CMTM3: variants seen among roughly 807,000 people sequenced by gnomAD.
The protein encoded by CMTM3 is CKLF like MARVEL transmembrane domain containing 3.
CMTM3 carries 7 observed loss-of-function variants against 18.2 expected under a neutral mutation model. The ratio of observed to expected loss-of-function variants is 0.38; its 90% CI spans 0.22 to 0.72. CMTM3 has a LOEUF of 0.72. Ranked by LOEUF, CMTM3 falls within the 30% of genes least tolerant of loss-of-function variation. The probability of loss-of-function intolerance (pLI) is 0.46; values close to 1 mark genes in which losing one functional copy is unlikely to be tolerated. For missense variants in CMTM3, 227 were observed against 249.2 expected, an observed-to-expected ratio of 0.91 and a Z score of 0.60; for synonymous variants, 109 against 111.2, an observed-to-expected ratio of 0.98 and a Z score of 0.12.
In CMTM3 at chr16:66,612,904, T is replaced by A. The variant is rs2015436420; in HGVS notation, c.*267T>A. ...TTTCTGTCCCACAGGCCTTCAGCCC[T>A]TTAACGTCTCTGCCAAAAACCAGCA... is the stretch of plus-strand genomic sequence containing the variant. On this transcript the variant is annotated 3_prime_UTR_variant, in exon 5 of 5. Transcript: ENST00000567572. The surrounding 1 kb of genome is among the most constrained non-coding windows in gnomAD (Gnocchi z 6.0). The A allele has an allele frequency of 3.2e-6, 2 of 621,434 alleles. No individual in the cohort carries two copies. The highest frequency in any genetic ancestry group is 5.3e-5 in the Admixed American group (2 of 37,864). The allele number at this position is 621,434 out of a possible 1,614,324, so 38.5% of individuals were successfully genotyped here. A position where few individuals can be genotyped will look rare whatever the true frequency, so the allele number is the denominator to read the frequency against.
chr16:66,610,131 G>A lies in CMTM3; in HGVS notation c.520+128G>A. 8.1e-7 allele frequency: 1 copy of A among 1,228,504 alleles called. No homozygotes were observed. The highest frequency in any genetic ancestry group is 1.1e-6 in the Non-Finnish European group (1 of 870,626). The allele number at this position is 1,228,504 out of a possible 1,614,324, so 76.1% of individuals were successfully genotyped here. A position where few individuals can be genotyped will look rare whatever the true frequency, so the allele number is the denominator to read the frequency against. ...CCCCATGGCAGGAAGTGTTTTCACA[G>A]CCCATTCTCACCTACCCTCATGCAG... On this transcript the variant is annotated intron_variant, in intron 4 of 4. Transcript: ENST00000567572. The surrounding 1 kb of genome is among the most constrained non-coding windows in gnomAD (Gnocchi z 4.6).
At position 66,609,384 on chromosome 16, in the gene CMTM3, A is replaced by G. The variant is rs554990064; in HGVS notation, c.304-51A>G. 3.1e-5 allele frequency: 48 copies of G among 1,530,924 alleles called. 1 individual carries two copies. In the South Asian group the frequency reaches 4.5e-4, roughly 14 times the overall value. The allele number at this position is 1,530,924 out of a possible 1,614,324, so 94.8% of individuals were successfully genotyped here. On this transcript the variant is annotated intron_variant, in intron 2 of 4. Coordinates refer to ENST00000567572, the MANE Select transcript of CMTM3 (RefSeq NM_181553.4). The surrounding 1 kb of genome is among the most constrained non-coding windows in gnomAD (Gnocchi z 4.4). ...GACCAGGCTGCCAGGCCTCCTCCCC[A>G]TGCTGTGCTCAGCTCCAGGGGCTCA...
chr16:66,606,756 G>A (rs1160831053), intron 1 of CMTM3, among the ~76,000 whole-genome samples: 1 of 152,208 alleles, frequency 6.6e-6, no homozygotes, highest in Admixed American at 6.5e-5. Context: ...ACTTTAGGAG[G>A]CCGAGGTGGG....
In CMTM3 at chr16:66,611,109, A is replaced by G. The variant is rs11861926; in HGVS notation, c.520+1106A>G. The stretch of plus-strand genomic sequence containing the variant: ...TGTTTTACTATTTGGAGAGTTTCAC[A>G]TATGTAACAATTATTTTGCTGTAAA... On this transcript the variant is annotated intron_variant, in intron 4 of 4. Transcript: ENST00000567572. 1,274 of 383,212 alleles carry G rather than the reference A, an allele frequency of 3.3e-3. 17 individuals carry two copies. The highest frequency in any genetic ancestry group is 0.024 in the African/African-American group (1,149 of 48,442). 23.7% of individuals were successfully genotyped at this position (383,212 alleles called of 1,614,324 possible). A position where few individuals can be genotyped will look rare whatever the true frequency, so the allele number is the denominator to read the frequency against.
chr16:66,606,657 G>A (rs2015166094), intron 1 of CMTM3, among the ~76,000 whole-genome samples: 1 of 152,138 alleles, frequency 6.6e-6, no homozygotes, highest in African/African-American at 2.4e-5. Flanking sequence ...AGAAACCAGG[G>A]ACAGATGGCC....
Position 66,612,754 on chromosome 16 carries a change from A to T in CMTM3, c.*117A>T. ...TTCTGAGTTGCAGAGGGGGCTGCGG[A>T]CACAGCAGGCCCCCTACAGCCTCAG... On this transcript the variant is annotated 3_prime_UTR_variant, in exon 5 of 5. Transcript: ENST00000567572. The surrounding 1 kb of genome is among the most constrained non-coding windows in gnomAD (Gnocchi z 6.0). 4 of 988,294 alleles carry T rather than the reference A, an allele frequency of 4.0e-6. No individual in the cohort carries two copies. Among genetic ancestry groups the T allele is most frequent in the Non-Finnish European group, 6.2e-6 (4 of 647,612 alleles). The allele number at this position is 988,294 out of a possible 1,614,324, so 61.2% of individuals were successfully genotyped here. A position where few individuals can be genotyped will look rare whatever the true frequency, so the allele number is the denominator to read the frequency against.
At position 66,609,495 on chromosome 16, in the gene CMTM3, G is replaced by C; in HGVS notation, c.364G>C (p.Ala122Pro). 1.2e-6 allele frequency: 2 copies of C among 1,610,072 alleles called. No individual in the cohort carries two copies. Among genetic ancestry groups the C allele is most frequent in the Non-Finnish European group, 1.7e-6 (2 of 1,178,290 alleles). ...CTTTGCTATCTCCATCACGGCCATC[G>C]CCAAGTACTCGGATGGGGCTTCCAA... ...IYFAISITAI[A>P]KYSDGASKAA... Residue 122 changes from alanine to proline, a missense_variant, in exon 3 of 5, where the codon GCC (alanine) becomes CCC (proline). Transcript: ENST00000567572. This position sits in a 1 kb window ranked among gnomAD's most constrained non-coding sequence, Gnocchi z 4.4.
upstream of CMTM3, chr16:66,604,430 A>C: frequency 5.9e-6 from 1 of 170,772 alleles, no homozygotes; most frequent in East Asian, 1.6e-4. Context: ...ACGGGCAGGA[A>C]GTTAGACCGG....
chr16:66,609,422 CCT>C lies in CMTM3; in HGVS notation c.304-7_304-6del. The stretch of plus-strand genomic sequence containing the variant: ...CTCCAGGGGCTCAGGGCAGCATGCC[CCT>C]CTCTCCCCAGGACTTCCTGCGCTGT... On this transcript the variant is annotated splice_polypyrimidine_tract_variant and intron_variant, in intron 2 of 4. Coordinates refer to ENST00000567572, the MANE Select transcript of CMTM3 (RefSeq NM_181553.4). This position sits in a 1 kb window ranked among gnomAD's most constrained non-coding sequence, Gnocchi z 4.4. 1 of 1,609,872 alleles carries C rather than the reference CCT, an allele frequency of 6.2e-7. No individual in the cohort carries two copies. Among genetic ancestry groups the C allele is most frequent in the Non-Finnish European group, 8.5e-7 (1 of 1,178,010 alleles).
Position 66,604,994 on chromosome 16 carries a change from C to T in CMTM3, c.147+42C>T, listed in dbSNP as rs1008606413. The T allele has an allele frequency of 5.7e-6, 8 of 1,414,498 alleles. No individual in the cohort carries two copies. In the African/African-American group the frequency reaches 1.2e-4, roughly 21 times the overall value. The allele number at this position is 1,414,498 out of a possible 1,614,324, so 87.6% of individuals were successfully genotyped here. Reference sequence around the variant, plus strand: ...CCTCGGCCGCCCCGCTAGGACTGCGCGGCTCCTTTCGGAGGAGGACGTCGG... The same window carrying T: ...CCTCGGCCGCCCCGCTAGGACTGCGTGGCTCCTTTCGGAGGAGGACGTCGG... On this transcript the variant is annotated intron_variant, in intron 1 of 4. Coordinates refer to ENST00000567572, the MANE Select transcript of CMTM3 (RefSeq NM_181553.4).
rs1007588060 is a variant in CMTM3 at position 66,604,714 on chromosome 16, G to C, written c.-92G>C. ...GCCCCTGCGCGAGCCAGTGTCGCCT[G>C]CCCTCCTTCCGCACAGCCCGGGTTT... On this transcript the variant is annotated 5_prime_UTR_variant, in exon 1 of 5. Coordinates refer to ENST00000567572, the MANE Select transcript of CMTM3 (RefSeq NM_181553.4). The C allele has an allele frequency of 2.9e-6, 3 of 1,018,672 alleles. No homozygotes were observed. Among genetic ancestry groups the C allele is most frequent in the Non-Finnish European group, 3.7e-6 (3 of 801,658 alleles). The allele number at this position is 1,018,672 out of a possible 1,614,324, so 63.1% of individuals were successfully genotyped here.
In CMTM3 at chr16:66,609,229, C is replaced by G. The variant is rs1409236348; in HGVS notation, c.304-206C>G. On this transcript the variant is annotated intron_variant, in intron 2 of 4. Transcript: ENST00000567572. This position sits in a 1 kb window ranked among gnomAD's most constrained non-coding sequence, Gnocchi z 4.4. ...CTTAGGACAGCAGCCCCGCTGGACC[C>G]GGGATAGGGCAGTGTCAGCTGCTGG... is the stretch of plus-strand genomic sequence containing the variant. The G allele has an allele frequency of 3.4e-6, 2 of 586,910 alleles. No homozygotes were observed. Among genetic ancestry groups the G allele is most frequent in the South Asian group, 4.2e-5 (2 of 47,668 alleles). The allele number at this position is 586,910 out of a possible 1,614,324, so 36.4% of individuals were successfully genotyped here.
In CMTM3 at chr16:66,612,505, C is replaced by T. The variant is rs1003757560; in HGVS notation, c.521-104C>T. Reference sequence around the variant, plus strand: ...GGTAGAGTCAGCTGCAGGAGGCCTGCACCCAGGCTCCTGCCAGCAACCCAG... The same window carrying T: ...GGTAGAGTCAGCTGCAGGAGGCCTGTACCCAGGCTCCTGCCAGCAACCCAG... On this transcript the variant is annotated intron_variant, in intron 4 of 4. Coordinates refer to ENST00000567572, the MANE Select transcript of CMTM3 (RefSeq NM_181553.4). The surrounding 1 kb of genome is among the most constrained non-coding windows in gnomAD (Gnocchi z 6.0). 32 of 1,191,256 alleles carry T rather than the reference C, an allele frequency of 2.7e-5. No homozygotes were observed. The highest frequency in any genetic ancestry group is 6.0e-5 in the African/African-American group (4 of 66,752). The allele number at this position is 1,191,256 out of a possible 1,614,324, so 73.8% of individuals were successfully genotyped here.
At chr16:66,606,719 G>A (rs984978806) in intron 1 of CMTM3, among the ~76,000 whole-genome samples, 3 of 152,206 alleles carry the variant, frequency 2.0e-5, no homozygotes, top group Admixed American at 6.5e-5. Flanking sequence ...TGGGCCGGGC[G>A]TGGTGGCTCA....
chr16:66,609,439 TC>T lies in CMTM3; in HGVS notation c.310del (p.Leu104CysfsTer46). Reference sequence around the variant, plus strand: ...AGCATGCCCCTCTCTCCCCAGGACTTCCTGCGCTGTGTCACCGCGGCCCTCA... The same window carrying T: ...AGCATGCCCCTCTCTCCCCAGGACTTCTGCGCTGTGTCACCGCGGCCCTCA... ...WQGLCWPMMDFLRCVTAALIY... is the reference protein window; with the variant it reads ...WQGLCWPMMDXLRCVTAALIY... On this transcript the variant is annotated frameshift_variant, in exon 3 of 5. Transcript: ENST00000567572. LOFTEE classifies it high-confidence loss of function. This position sits in a 1 kb window ranked among gnomAD's most constrained non-coding sequence, Gnocchi z 4.4. 2 of 1,612,656 alleles carry T rather than the reference TC, an allele frequency of 1.2e-6. No individual in the cohort carries two copies. Among genetic ancestry groups the T allele is most frequent in the Middle Eastern group, 1.7e-4 (1 of 6,060 alleles).
At chr16:66,611,774 AG>A (rs2015385778) in intron 4 of CMTM3, among the ~76,000 whole-genome samples, 1 of 152,158 alleles carries the variant, frequency 6.6e-6, no homozygotes, top group African/African-American at 2.4e-5. Context: ...GGAACCCTCG[AG>A]GTACACCTCA....
In CMTM3 at chr16:66,604,753, G is replaced by C; in HGVS notation, c.-53G>C. The C allele has an allele frequency of 8.3e-7, 1 of 1,208,512 alleles. No individual in the cohort carries two copies. Among genetic ancestry groups the C allele is most frequent in the Non-Finnish European group, 1.0e-6 (1 of 971,298 alleles). The allele number at this position is 1,208,512 out of a possible 1,614,324, so 74.9% of individuals were successfully genotyped here. ...CAGCCCGGGTTTCCGCTTCCCTCCG[G>C]GCGCGAGAAGAGGGGAGCCAGGCCG... On this transcript the variant is annotated 5_prime_UTR_variant, in exon 1 of 5. Transcript: ENST00000567572.
At position 66,613,344 on chromosome 16, in the gene CMTM3, G is replaced by A. The variant is rs2015455734; in HGVS notation, c.*707G>A. On this transcript the variant is annotated 3_prime_UTR_variant, in exon 5 of 5. Transcript: ENST00000567572. Reference sequence around the variant, plus strand: ...AGACTGACTGGTCCAGAAGACAGAGGGTACAACAGTGGCATCACAGTGACA... The same window carrying A: ...AGACTGACTGGTCCAGAAGACAGAGAGTACAACAGTGGCATCACAGTGACA... 1.8e-6 allele frequency: 1 copy of A among 541,322 alleles called. No homozygotes were observed. Among genetic ancestry groups the A allele is most frequent in the South Asian group, 2.4e-5 (1 of 41,716 alleles). 33.5% of individuals were successfully genotyped at this position (541,322 alleles called of 1,614,324 possible).
chr16:66,612,716 C>A lies in CMTM3; in HGVS notation c.*79C>A. On this transcript the variant is annotated 3_prime_UTR_variant, in exon 5 of 5. Transcript: ENST00000567572. The surrounding 1 kb of genome is among the most constrained non-coding windows in gnomAD (Gnocchi z 6.0). ...CTCACAGGGGTCGCTGGCGTTGGAG[C>A]GGAGGCCTGGACTTCTGAGTTGCAG... is the stretch of plus-strand genomic sequence containing the variant. The A allele has an allele frequency of 7.0e-7, 1 of 1,435,236 alleles. No individual in the cohort carries two copies. The highest frequency in any genetic ancestry group is 9.8e-7 in the Non-Finnish European group (1 of 1,025,384). 88.9% of individuals were successfully genotyped at this position (1,435,236 alleles called of 1,614,324 possible). A position where few individuals can be genotyped will look rare whatever the true frequency, so the allele number is the denominator to read the frequency against.
Sources: allele counts gnomAD v4.1 joint callset (sites outside exome capture counted in the v4.1 genomes callset), GRCh38; gene constraint gnomAD v4.1.1; non-coding constraint Gnocchi (gnomAD v3.1); transcripts MANE v1.5; gene names NCBI Gene and HGNC (gene_info 2026-07-23, HGNC 2026-07-21).